Variants in SLC43A2 observed in about 807,000 individuals in gnomAD.
SLC43A2 encodes solute carrier family 43 member 2.
A neutral mutation model predicts 63.2 loss-of-function variants in SLC43A2; 38 were observed. The observed-to-expected ratio is 0.60, with a 90% CI of 0.46 to 0.79. The LOEUF (loss-of-function observed/expected upper bound fraction) is 0.79, where lower values mean the gene tolerates loss of function less well. SLC43A2 is among the 30% of genes least tolerant of loss of function. The probability of loss-of-function intolerance (pLI) is 0.00; values close to 1 mark genes in which losing one functional copy is unlikely to be tolerated. For synonymous variants in SLC43A2, 322 were observed against 331.0 expected (o/e 0.97, Z 0.30); for missense variants, 644 against 756.2 (o/e 0.85, Z 1.74).
At chr17:1,613,292 C>A (rs1228582047) in intron 4 of SLC43A2, 21 bp from the exon 5 acceptor site, 2 of 1,613,164 alleles carry the variant, frequency 1.2e-6, no homozygotes, top group Admixed American at 1.7e-5. Context: ...ATGGAAAGCT[C>A]GTGAGTGGAG....
chr17:1,621,879 A>G (rs534975890), intron 2 of SLC43A2, among the ~76,000 whole-genome samples: 2 of 152,314 alleles, frequency 1.3e-5, no homozygotes, highest in African/African-American at 4.8e-5. Context: ...CCAGAGAGAA[A>G]ATGCTGAGAG....
At chr17:1,576,936 C>T (rs1038019916) in intron 12 of SLC43A2, among the ~76,000 whole-genome samples, 1 of 150,896 alleles carries the variant, frequency 6.6e-6, no homozygotes, top group Non-Finnish European at 1.5e-5. Context: ...ACGATCTCGG[C>T]TCACTGCAAC....
At chr17:1,626,436 G>T (rs947686752) in intron 2 of SLC43A2, among the ~76,000 whole-genome samples, 3 of 152,098 alleles carry the variant, frequency 2.0e-5, no homozygotes, top group Non-Finnish European at 4.4e-5. Context: ...GAACCCTTAG[G>T]CTATTAGGAA....
chr17:1,580,126 T>G (rs2075990061), intron 11 of SLC43A2, among the ~76,000 whole-genome samples: 1 of 152,042 alleles, frequency 6.6e-6, no homozygotes, highest in Non-Finnish European at 1.5e-5. Flanking sequence ...GGGGTTTCAC[T>G]AGGCTGGTCT....
chr17:1,592,942 CT>C (rs1904956326), intron 6 of SLC43A2, among the ~76,000 whole-genome samples: 1 of 152,216 alleles, frequency 6.6e-6, no homozygotes, highest in Admixed American at 6.5e-5. Flanking sequence ...CGCCCTTCCC[CT>C]GCCCCAGCCC....
intron 2 of SLC43A2, among the ~76,000 whole-genome samples, chr17:1,619,940 G>C (rs1489834877): frequency 6.6e-6 from 1 of 152,180 alleles, no homozygotes; most frequent in East Asian, 1.9e-4. Context: ...GGAGCCACGG[G>C]GACAAGGAAT....
chr17:1,616,492 C>G, intron 3 of SLC43A2, 70 bp downstream of exon 3: 1 of 1,447,498 alleles, frequency 6.9e-7, no homozygotes. Flanking sequence ...ACCAGGATAC[C>G]CTTCTGTGGG....
At chr17:1,616,441 G>A in intron 3 of SLC43A2, 121 bp downstream of exon 3, 1 of 932,570 alleles carries the variant, frequency 1.1e-6, no homozygotes, top group Non-Finnish European at 1.6e-6. Flanking sequence ...CATTCTGGAG[G>A]GCCTTCAGGG....
rs145944085 is a variant in SLC43A2, at chr17:1,607,869, C to G, written c.501+5326G>C. Among the ~76,000 whole-genome samples, 347 of 152,242 alleles carry G rather than the reference C, an allele frequency of 2.3e-3. 4 individuals are homozygous for G. The highest frequency in any genetic ancestry group is 7.9e-3 in the African/African-American group (329 of 41,536). ...TCGTGGGGACTACAGGCGCCCACCA[C>G]CACATCTGGCTAATTTTTGCATTTT... On this transcript the variant is annotated intron_variant, in intron 5 of 13. Transcript: ENST00000301335.
At chr17:1,591,039 G>A (rs1904719552) in intron 8 of SLC43A2, 91 bp from the exon 9 acceptor site, 4 of 1,417,798 alleles carry the variant, frequency 2.8e-6, no homozygotes, top group Admixed American at 4.2e-5. Flanking sequence ...GAGGCCAGGA[G>A]GGGGCCCTCG....
intron 5 of SLC43A2, among the ~76,000 whole-genome samples, chr17:1,594,755 T>G (rs1047648079): frequency 2.0e-5 from 3 of 151,294 alleles, no homozygotes; most frequent in African/African-American, 7.3e-5. Flanking sequence ...ACCCGGCTAA[T>G]TTTTTTGTAT....
chr17:1,586,813 G>A, intron 9 of SLC43A2: 1 of 825,724 alleles, frequency 1.2e-6, no homozygotes, highest in Non-Finnish European at 1.8e-6. Flanking sequence ...AATGTTGATT[G>A]CCCCAGTTTT....
intron 3 of SLC43A2, 92 bp downstream of exon 3, chr17:1,616,470 A>AT (rs1907673912): frequency 1.6e-6 from 2 of 1,271,668 alleles, no homozygotes; most frequent in Non-Finnish European, 1.1e-6. Flanking sequence ...AGTACACCTG[A>AT]TATCAGGTAC....
chr17:1,584,519 G>A (rs1031652629), intron 10 of SLC43A2, among the ~76,000 whole-genome samples: 2 of 152,138 alleles, frequency 1.3e-5, no homozygotes, highest in African/African-American at 2.4e-5. Context: ...TGGAGCCATG[G>A]AAAACAGCGT....
rs540082663 is a variant in SLC43A2 at position 1,574,924 on chromosome 17, A to G, written c.*680T>C. ...AGGTGGCAGACAGAACGAGGGTGAC[A>G]GTGAAAACGTGTCCGCGGCATTGGC... On this transcript the variant is annotated 3_prime_UTR_variant, in exon 14 of 14. Transcript: ENST00000301335. 6.5e-6 allele frequency: 1 copy of G among 153,274 alleles called. No individual in the cohort carries two copies. The highest frequency in any genetic ancestry group is 1.9e-4 in the East Asian group (1 of 5,192). 9.5% of individuals were successfully genotyped at this position (153,274 alleles called of 1,614,324 possible).
In SLC43A2 at chr17:1,575,352, G is replaced by A; in HGVS notation, c.*252C>T. Reference sequence around the variant, plus strand: ...TGCTGCAGGCACCACAGAGACCCCAGGCCCCGGGTCCCCGGGGGGCGGCAG... The same window carrying A: ...TGCTGCAGGCACCACAGAGACCCCAAGCCCCGGGTCCCCGGGGGGCGGCAG... On this transcript the variant is annotated 3_prime_UTR_variant, in exon 14 of 14. Coordinates refer to ENST00000301335, the MANE Select transcript of SLC43A2 (RefSeq NM_152346.3). 1 of 554,202 alleles carries A rather than the reference G, an allele frequency of 1.8e-6. No homozygotes were observed. Among genetic ancestry groups the A allele is most frequent in the Non-Finnish European group, 3.2e-6 (1 of 313,054 alleles). 34.3% of individuals were successfully genotyped at this position (554,202 alleles called of 1,614,324 possible).
At chr17:1,619,593 A>G (rs1907972093) in intron 2 of SLC43A2, among the ~76,000 whole-genome samples, 1 of 152,182 alleles carries the variant, frequency 6.6e-6, no homozygotes, top group South Asian at 2.1e-4. Flanking sequence ...GGTCATGTAC[A>G]CCGCCACAGC....
intron 5 of SLC43A2, among the ~76,000 whole-genome samples, chr17:1,598,739 G>C (rs1905576178): frequency 6.6e-6 from 1 of 152,154 alleles, no homozygotes; most frequent in African/African-American, 2.4e-5. Flanking sequence ...CTGGTCTTCT[G>C]GAGTCTTCTC....
At chr17:1,627,112 C>T (rs1908726775) in intron 2 of SLC43A2, among the ~76,000 whole-genome samples, 2 of 152,210 alleles carry the variant, frequency 1.3e-5, no homozygotes, top group African/African-American at 4.8e-5. Flanking sequence ...CCTTCATCCC[C>T]ATGGGGTTGG....
Sources: allele counts gnomAD v4.1 joint callset (sites outside exome capture counted in the v4.1 genomes callset), GRCh38; gene constraint gnomAD v4.1.1; transcripts MANE v1.5; gene names NCBI Gene and HGNC (gene_info 2026-07-23, HGNC 2026-07-21).